Variants in KCNQ1OT1 observed in about 807,000 individuals in gnomAD.
The protein encoded by KCNQ1OT1 is KCNQ1 antisense RNA 2 (non-protein coding).
chr11:2,649,366 C>T, exon 1 of KCNQ1OT1: 2 of 398,142 alleles, frequency 5.0e-6, no homozygotes, highest in East Asian at 7.1e-5. Flanking sequence ...ATTTGTGTAT[C>T]TGCTCTACTA....
exon 1 of KCNQ1OT1, chr11:2,660,348 T>A (rs556987363): frequency 2.5e-6 from 1 of 398,506 alleles, no homozygotes; most frequent in East Asian, 3.6e-5. Context: ...AGGAATAAAT[T>A]TAAGAGAGAA....
At chr11:2,688,316 G>GTC (rs1850527262) in exon 1 of KCNQ1OT1, 1 of 398,650 alleles carries the variant, frequency 2.5e-6, no homozygotes, top group Admixed American at 4.4e-5. Context: ...ATCTAAGCAC[G>GTC]TCACACACAC....
At position 2,658,896 on chromosome 11, in the gene KCNQ1OT1, A is replaced by T. The variant is rs1367315794; in HGVS notation, n.41099T>A. 2 of 398,354 alleles carry T rather than the reference A, an allele frequency of 5.0e-6. No homozygotes were observed. The highest frequency in any genetic ancestry group is 8.8e-6 in the Non-Finnish European group (2 of 226,042). 24.7% of individuals were successfully genotyped at this position (398,354 alleles called of 1,614,324 possible). A position where few individuals can be genotyped will look rare whatever the true frequency, so the allele number is the denominator to read the frequency against. On this transcript the variant is annotated non_coding_transcript_exon_variant, in exon 1 of 1. Coordinates refer to ENST00000597346, the Ensembl canonical transcript of KCNQ1OT1. This position sits in a 1 kb window ranked among gnomAD's most constrained non-coding sequence, Gnocchi z 4.9. ...ACTTATTTGTGTAACCCTATTGTAC[A>T]CGTAGTACCCTATGTGAAGCAAATT...
rs1849169318 is a variant in KCNQ1OT1 at position 2,621,366 on chromosome 11, C to T, written n.78629G>A. The T allele has an allele frequency of 2.5e-6, 1 of 398,578 alleles. No individual in the cohort carries two copies. The highest frequency in any genetic ancestry group is 2.1e-5 in the African/African-American group (1 of 48,736). The allele number at this position is 398,578 out of a possible 1,614,324, so 24.7% of individuals were successfully genotyped here. A position where few individuals can be genotyped will look rare whatever the true frequency, so the allele number is the denominator to read the frequency against. ...ATTTTCTTTTAAGAAATGTATGTTC[C>T]TGTCCTTTGCCAATTCAATTGGATT... On this transcript the variant is annotated non_coding_transcript_exon_variant, in exon 1 of 1. Coordinates refer to ENST00000597346, the Ensembl canonical transcript of KCNQ1OT1. The surrounding 1 kb of genome is among the most constrained non-coding windows in gnomAD (Gnocchi z 5.7).
At chr11:2,649,496 G>T (rs1849725440) in exon 1 of KCNQ1OT1, 1 of 398,428 alleles carries the variant, frequency 2.5e-6, no homozygotes, top group Non-Finnish European at 4.4e-6. Flanking sequence ...CTCAGTTTTT[G>T]CTTGTCTGAG....
exon 1 of KCNQ1OT1, chr11:2,633,651 C>A (rs1849400580): frequency 2.5e-6 from 1 of 398,300 alleles, no homozygotes; most frequent in Admixed American, 4.4e-5. Flanking sequence ...TTCTTGGCAC[C>A]TTTGTCAAAA....
At chr11:2,649,478 T>C (rs186378113) in exon 1 of KCNQ1OT1, 1 of 398,456 alleles carries the variant, frequency 2.5e-6, no homozygotes, top group African/African-American at 2.1e-5. Flanking sequence ...TTAGTAGTAA[T>C]GAATTCCCTC....
exon 1 of KCNQ1OT1, chr11:2,634,166 C>G: frequency 2.6e-6 from 1 of 391,056 alleles, no homozygotes; most frequent in Non-Finnish European, 4.5e-6. Flanking sequence ...TCTTTTCTCT[C>G]TCTCTCCCTT....
chr11:2,620,560 T>C lies in KCNQ1OT1; in HGVS notation n.79435A>G. Reference sequence around the variant, plus strand: ...GCTGCATAGTATTCCATGGTGTACATGTACCACATTTTCTTTATCCAATCC... The same window carrying C: ...GCTGCATAGTATTCCATGGTGTACACGTACCACATTTTCTTTATCCAATCC... On this transcript the variant is annotated non_coding_transcript_exon_variant, in exon 1 of 1. Coordinates refer to ENST00000597346, the Ensembl canonical transcript of KCNQ1OT1. This position sits in a 1 kb window ranked among gnomAD's most constrained non-coding sequence, Gnocchi z 4.5. 2.5e-6 allele frequency: 1 copy of C among 396,778 alleles called. No individual in the cohort carries two copies. The highest frequency in any genetic ancestry group is 4.4e-6 in the Non-Finnish European group (1 of 225,386). The allele number at this position is 396,778 out of a possible 1,614,324, so 24.6% of individuals were successfully genotyped here. A position where few individuals can be genotyped will look rare whatever the true frequency, so the allele number is the denominator to read the frequency against.
At chr11:2,610,917 G>A (rs1218450798) in exon 1 of KCNQ1OT1, 2 of 398,032 alleles carry the variant, frequency 5.0e-6, no homozygotes, top group African/African-American at 2.1e-5. Flanking sequence ...TTGGGTAATA[G>A]TTCAATAACT....
In KCNQ1OT1 at chr11:2,668,753, C is replaced by T. The variant is rs1850128785; in HGVS notation, n.31242G>A. ...TATCGCCTCCCCCTCTGCAGGCTGC[C>T]TTCTTCCTCTCTTGATGGTGTCTTT... On this transcript the variant is annotated non_coding_transcript_exon_variant, in exon 1 of 1. Coordinates refer to ENST00000597346, the Ensembl canonical transcript of KCNQ1OT1. This position sits in a 1 kb window ranked among gnomAD's most constrained non-coding sequence, Gnocchi z 4.3. 1 of 398,528 alleles carries T rather than the reference C, an allele frequency of 2.5e-6. No individual in the cohort carries two copies. The highest frequency in any genetic ancestry group is 1.3e-4 in the South Asian group (1 of 7,864). The allele number at this position is 398,528 out of a possible 1,614,324, so 24.7% of individuals were successfully genotyped here.
In KCNQ1OT1 at chr11:2,608,773, G is replaced by A. The variant is rs1437691775; in HGVS notation, n.91222C>T. 5.0e-6 allele frequency: 2 copies of A among 398,500 alleles called. No homozygotes were observed. The highest frequency in any genetic ancestry group is 8.8e-6 in the Non-Finnish European group (2 of 226,068). 24.7% of individuals were successfully genotyped at this position (398,500 alleles called of 1,614,324 possible). A position where few individuals can be genotyped will look rare whatever the true frequency, so the allele number is the denominator to read the frequency against. On this transcript the variant is annotated non_coding_transcript_exon_variant, in exon 1 of 1. Transcript: ENST00000597346. This position sits in a 1 kb window ranked among gnomAD's most constrained non-coding sequence, Gnocchi z 4.6. Reference sequence around the variant, plus strand: ...CAAAGTGCTGGGATTACAGGTGTGAGCCACTGCAGCTAGCCTCGTTTTTTT... The same window carrying A: ...CAAAGTGCTGGGATTACAGGTGTGAACCACTGCAGCTAGCCTCGTTTTTTT...
rs1029473272 is a variant in KCNQ1OT1, at chr11:2,691,451, C to G, written n.8544G>C. ...GAAGCTCCCTGCCCCCACTGAGTCT[C>G]TGATGTTGACAGCCTCTTTGTTTTT... On this transcript the variant is annotated non_coding_transcript_exon_variant, in exon 1 of 1. Coordinates refer to ENST00000597346, the Ensembl canonical transcript of KCNQ1OT1. The surrounding 1 kb of genome is among the most constrained non-coding windows in gnomAD (Gnocchi z 6.4). 38 of 398,512 alleles carry G rather than the reference C, an allele frequency of 9.5e-5. No individual in the cohort carries two copies. The highest frequency in any genetic ancestry group is 1.6e-4 in the Non-Finnish European group (36 of 226,086). 24.7% of individuals were successfully genotyped at this position (398,512 alleles called of 1,614,324 possible).
Position 2,654,097 on chromosome 11 carries a change from C to T in KCNQ1OT1, n.45898G>A, listed in dbSNP as rs1339831327. ...TTCCATCCATGTCCCTTACTTCTCG[C>T]CTCTGAGTGGAGACACAGGTGGTGG... On this transcript the variant is annotated non_coding_transcript_exon_variant, in exon 1 of 1. Transcript: ENST00000597346. The surrounding 1 kb of genome is among the most constrained non-coding windows in gnomAD (Gnocchi z 6.4). 3 of 398,666 alleles carry T rather than the reference C, an allele frequency of 7.5e-6. No homozygotes were observed. Among genetic ancestry groups the T allele is most frequent in the African/African-American group, 4.1e-5 (2 of 48,658 alleles). The allele number at this position is 398,666 out of a possible 1,614,324, so 24.7% of individuals were successfully genotyped here.
At chr11:2,640,562 CT>C (rs58881533) in exon 1 of KCNQ1OT1, 5,899 of 374,024 alleles carry the variant, frequency 0.016, 8 homozygotes, top group South Asian at 0.028. Context: ...CTGGGATTTC[CT>C]TTTTTTTTTT....
Position 2,652,132 on chromosome 11 carries a change from C to G in KCNQ1OT1, n.47863G>C, listed in dbSNP as rs1849766749. On this transcript the variant is annotated non_coding_transcript_exon_variant, in exon 1 of 1. Transcript: ENST00000597346. The surrounding 1 kb of genome is among the most constrained non-coding windows in gnomAD (Gnocchi z 5.9). ...GCTGGGAGGTGGCCTGGGAAGGGAC[C>G]TGTGTTTCTCAAGCCCGCGCCCTCG... The G allele has an allele frequency of 2.5e-6, 1 of 398,550 alleles. No homozygotes were observed. The highest frequency in any genetic ancestry group is 4.4e-6 in the Non-Finnish European group (1 of 226,136). 24.7% of individuals were successfully genotyped at this position (398,550 alleles called of 1,614,324 possible). A position where few individuals can be genotyped will look rare whatever the true frequency, so the allele number is the denominator to read the frequency against.
chr11:2,631,460 TGTCTCCTTTTG>T, exon 1 of KCNQ1OT1: 1 of 398,080 alleles, frequency 2.5e-6, no homozygotes, highest in East Asian at 3.6e-5. Context: ...CTTTATTGAA[TGTCTCCTTTTG>T]TGTATTAATG....
chr11:2,662,767 G>C (rs1011184767), exon 1 of KCNQ1OT1: 1 of 399,116 alleles, frequency 2.5e-6, no homozygotes, highest in African/African-American at 2.1e-5. Flanking sequence ...AACCCGTTGG[G>C]GATTCCCCTT....
Position 2,674,276 on chromosome 11 carries a change from A to G in KCNQ1OT1, n.25719T>C, listed in dbSNP as rs1850246785. On this transcript the variant is annotated non_coding_transcript_exon_variant, in exon 1 of 1. Coordinates refer to ENST00000597346, the Ensembl canonical transcript of KCNQ1OT1. This position sits in a 1 kb window ranked among gnomAD's most constrained non-coding sequence, Gnocchi z 5.9. Reference sequence around the variant, plus strand: ...CTCTCTCCCAGCCCCCGGCACACACACTAGGACCTTTCTTCATCATGCAGC... The same window carrying G: ...CTCTCTCCCAGCCCCCGGCACACACGCTAGGACCTTTCTTCATCATGCAGC... 2.5e-6 allele frequency: 1 copy of G among 398,542 alleles called. No homozygotes were observed. Among genetic ancestry groups the G allele is most frequent in the African/African-American group, 2.1e-5 (1 of 48,618 alleles). The allele number at this position is 398,542 out of a possible 1,614,324, so 24.7% of individuals were successfully genotyped here. A position where few individuals can be genotyped will look rare whatever the true frequency, so the allele number is the denominator to read the frequency against.
Sources: gnomAD v4.1 joint callset for allele counts on GRCh38, gnomAD v4.1.1 for gene constraint, Gnocchi (gnomAD v3.1) non-coding constraint, MANE v1.5 for transcripts, NCBI Gene and HGNC (gene_info 2026-07-23, HGNC 2026-07-21) for gene names.